Variants in BEND7 observed in about 807,000 individuals in gnomAD.
BEND7 encodes the protein BEN domain-containing protein 7.
In BEND7, 28 loss-of-function variants were observed where a neutral mutation model predicts 50.9. The observed-to-expected ratio is 0.55, with a 90% confidence interval of 0.41 to 0.75. The LOEUF (loss-of-function observed/expected upper bound fraction) is 0.75. Among genes scored for constraint, BEND7 ranks in the 30% least tolerant of loss-of-function variants. The pLI is 0.00. For synonymous variants in BEND7, 170 were observed against 183.9 expected (o/e 0.92, Z 0.61); for missense variants, 477 against 491.3 (o/e 0.97, Z 0.28).
At chr10:13,482,398 C>A (rs2131760965) in intron 5 of BEND7, among the ~76,000 whole-genome samples, 1 of 152,308 alleles carries the variant, frequency 6.6e-6, no homozygotes, top group Non-Finnish European at 1.5e-5. Context: ...ATTCTTAGAT[C>A]TCCTATTCAC....
chr10:13,528,465 C>T lies in BEND7; in HGVS notation c.61+8G>A. ...CTGCCTGCCCCCGCCGCCCCGGCGG[C>T]CGCTTACCTCGGCTCACCAGTTTGA... On this transcript the variant is annotated splice_region_variant and intron_variant, in intron 1 of 8. Coordinates refer to ENST00000466271, the MANE Select transcript of BEND7 (RefSeq NM_001369863.1). 9.8e-7 allele frequency: 1 copy of T among 1,019,560 alleles called. No individual in the cohort carries two copies. The highest frequency in any genetic ancestry group is 1.2e-6 in the Non-Finnish European group (1 of 853,980). The allele number at this position is 1,019,560 out of a possible 1,614,324, so 63.2% of individuals were successfully genotyped here.
Position 13,481,035 on chromosome 10 carries a change from G to C in BEND7, c.927C>G (p.Ser309Arg). Residue 309 changes from serine (S) to arginine (R), a missense_variant, in exon 6 of 9, where the codon AGC (serine) becomes AGG (arginine). This residue lies in a region of BEND7 where 396 missense variants were observed against 384.2 expected (regional missense o/e 1.03). Transcript: ENST00000466271. ...CACACACCAGTTTTCTAAACAGAAG[G>C]CTTCCTGAGCGAGTGTAGTTTGACA... ...SILSNYTRSGSLLFRKLVCAF... is the reference protein window; with the variant it reads ...SILSNYTRSGRLLFRKLVCAF... 1 of 1,614,134 alleles carries C rather than the reference G, an allele frequency of 6.2e-7. No individual in the cohort carries two copies. Among genetic ancestry groups the C allele is most frequent in the Non-Finnish European group, 8.5e-7 (1 of 1,180,022 alleles).
intron 2 of BEND7, among the ~76,000 whole-genome samples, chr10:13,524,849 G>A (rs2079339859): frequency 6.6e-6 from 1 of 152,090 alleles, no homozygotes; most frequent in African/African-American, 2.4e-5. Context: ...AGATCTATGT[G>A]CTATCAATGA....
chr10:13,502,913 CAGG>C (rs1479408075), intron 2 of BEND7: 6 of 985,436 alleles, frequency 6.1e-6, no homozygotes, highest in African/African-American at 5.2e-5. Flanking sequence ...TGACACATCA[CAGG>C]AGAAGGGATG....
intron 6 of BEND7, among the ~76,000 whole-genome samples, chr10:13,477,769 G>A (rs1455994321): frequency 6.6e-6 from 1 of 152,202 alleles, no homozygotes; most frequent in Non-Finnish European, 1.5e-5. Flanking sequence ...TGTGAGGATG[G>A]ATGTTTAGTA....
At chr10:13,459,568 C>T (rs1191753890) in intron 6 of BEND7, 1 of 152,194 alleles carries the variant, frequency 6.6e-6, no homozygotes, top group South Asian at 2.1e-4. Flanking sequence ...GTTGTTCAGG[C>T]AGGGCCTGAT....
At chr10:13,523,470 T>C (rs988437085) in intron 2 of BEND7, among the ~76,000 whole-genome samples, 1 of 152,222 alleles carries the variant, frequency 6.6e-6, no homozygotes, top group African/African-American at 2.4e-5. Flanking sequence ...AACATAAACT[T>C]TGATCTTATA....
intron 3 of BEND7, among the ~76,000 whole-genome samples, chr10:13,498,061 A>ATTTCTT (rs1564369145): frequency 7.1e-6 from 1 of 140,576 alleles, no homozygotes; most frequent in African/African-American, 2.7e-5. Context: ...TATGTAATAT[A>ATTTCTT]TTTCTTTTTC....
At chr10:13,512,252 T>C (rs2078326360) in intron 2 of BEND7, among the ~76,000 whole-genome samples, 1 of 152,116 alleles carries the variant, frequency 6.6e-6, no homozygotes, top group Non-Finnish European at 1.5e-5. Context: ...CTGGACAACA[T>C]AGCGAGATCC....
At chr10:13,487,398 T>TC (rs2076305450) in intron 5 of BEND7, among the ~76,000 whole-genome samples, 1 of 150,298 alleles carries the variant, frequency 6.7e-6, no homozygotes, top group Non-Finnish European at 1.5e-5. Flanking sequence ...CTTTTTTTTT[T>TC]TTTTTTGAGA....
At chr10:13,489,402 G>A (rs890613115) in intron 5 of BEND7, among the ~76,000 whole-genome samples, 3 of 152,156 alleles carry the variant, frequency 2.0e-5, no homozygotes, top group African/African-American at 7.2e-5. Context: ...GGGCTAGAAT[G>A]GGCACCCGCA....
chr10:13,516,364 A>G (rs2078670415), intron 2 of BEND7, among the ~76,000 whole-genome samples: 1 of 152,206 alleles, frequency 6.6e-6, no homozygotes, highest in African/African-American at 2.4e-5. Context: ...GGCTGGTGAC[A>G]CACAGGGGCA....
chr10:13,494,581 C>G (rs1221217608), intron 4 of BEND7, among the ~76,000 whole-genome samples: 5 of 152,232 alleles, frequency 3.3e-5, no homozygotes, highest in Non-Finnish European at 7.3e-5. Flanking sequence ...TCTTTGGTCT[C>G]TCTGCATTCC....
intron 6 of BEND7, among the ~76,000 whole-genome samples, chr10:13,466,833 G>T (rs776978888): frequency 6.6e-6 from 1 of 152,174 alleles, no homozygotes; most frequent in Non-Finnish European, 1.5e-5. Context: ...TTCAGTATAT[G>T]AATTTTCAAA....
chr10:13,526,727 T>C (rs2079475642), intron 1 of BEND7, among the ~76,000 whole-genome samples: 1 of 152,204 alleles, frequency 6.6e-6, no homozygotes, highest in Non-Finnish European at 1.5e-5. Context: ...TGTAGTATGA[T>C]TTGGATAAGA....
intron 6 of BEND7, among the ~76,000 whole-genome samples, chr10:13,476,983 A>T (rs952615632): frequency 3.9e-5 from 6 of 152,246 alleles, no homozygotes; most frequent in Non-Finnish European, 7.3e-5. Flanking sequence ...GATTATGTAA[A>T]AAATACAATC....
intron 2 of BEND7, among the ~76,000 whole-genome samples, chr10:13,507,154 C>G (rs2077957420): frequency 6.6e-6 from 1 of 152,086 alleles, no homozygotes; most frequent in Non-Finnish European, 1.5e-5. Context: ...TTCTACTAAT[C>G]TAGCATGTAA....
chr10:13,464,833 C>T (rs1224308877), intron 6 of BEND7, among the ~76,000 whole-genome samples: 1 of 152,192 alleles, frequency 6.6e-6, no homozygotes, highest in Admixed American at 6.5e-5. Flanking sequence ...TTCAATTATA[C>T]TCCTTACACA....
intron 6 of BEND7, among the ~76,000 whole-genome samples, chr10:13,466,228 A>ATT (rs376860540): frequency 1.1e-4 from 16 of 140,580 alleles, no homozygotes; most frequent in Non-Finnish European, 1.9e-4. Flanking sequence ...CGTTGAATCC[A>ATT]TTTTTTTTTT....
Sources: allele counts gnomAD v4.1 joint callset (sites outside exome capture counted in the v4.1 genomes callset), GRCh38; gene constraint gnomAD v4.1.1; regional missense constraint gnomAD v4.1.1; transcripts MANE v1.5; gene names NCBI Gene and HGNC (gene_info 2026-07-23, HGNC 2026-07-21).